CTCF: variants seen among roughly 807,000 people sequenced by gnomAD.
CTCF encodes CCCTC-binding factor.
CTCF carries 7 observed loss-of-function variants against 72.3 expected under a neutral mutation model. That is an observed-to-expected ratio of 0.10 (90% CI 0.06 to 0.18). The LOEUF is 0.18. Among genes scored for constraint, CTCF ranks in the 10% least tolerant of loss-of-function variants. CTCF has a pLI of 1.00. For synonymous variants in CTCF, 374 were observed against 315.8 expected (o/e 1.18, Z -1.95); for missense variants, 516 against 949.1 (o/e 0.54, Z 6.00).
At chr16:67,602,322 G>A (rs571575681) in intron 2 of CTCF, among the ~76,000 whole-genome samples, 51 of 152,272 alleles carry the variant, frequency 3.3e-4, no homozygotes, top group African/African-American at 9.6e-4. Context: ...TATTATTGAG[G>A]ATATTTAAAT....
intron 10 of CTCF, among the ~76,000 whole-genome samples, chr16:67,630,463 G>T (rs2052348428): frequency 6.6e-6 from 1 of 152,136 alleles, no homozygotes; most frequent in African/African-American, 2.4e-5. Context: ...GCTTAGAAGT[G>T]CCAAGCCTCG....
intron 2 of CTCF, among the ~76,000 whole-genome samples, chr16:67,589,343 C>T (rs2051708548): frequency 6.6e-6 from 1 of 152,088 alleles, no homozygotes; most frequent in African/African-American, 2.4e-5. Context: ...TTTGAGATGG[C>T]TTAATACAGT....
chr16:67,575,723 G>A (rs1244128764), intron 2 of CTCF, among the ~76,000 whole-genome samples: 3 of 151,840 alleles, frequency 2.0e-5, no homozygotes, highest in Non-Finnish European at 4.4e-5. Context: ...GATTACAAGC[G>A]TGAGCCACCG....
intron 2 of CTCF, among the ~76,000 whole-genome samples, chr16:67,605,065 C>T (rs971406190): frequency 2.1e-5 from 3 of 144,776 alleles, no homozygotes; most frequent in African/African-American, 8.0e-5. Context: ...CTTCGCCTTC[C>T]GGGTTCACGC....
At position 67,586,208 on chromosome 16, in the gene CTCF, C is replaced by T. The variant is rs145418440; in HGVS notation, c.-10+14944C>T. On this transcript the variant is annotated intron_variant, in intron 2 of 11. Coordinates refer to ENST00000264010, the MANE Select transcript of CTCF (RefSeq NM_006565.4). The stretch of plus-strand genomic sequence containing the variant: ...TTGAGGCCAGGAGTTTGAGAACAGC[C>T]TGGCCAACATAGAAAACCCCATTTC... Among the ~76,000 whole-genome samples the T allele has an allele frequency of 1.6e-4, 25 of 152,150 alleles. No individual in the cohort carries two copies. In the East Asian group the frequency reaches 4.1e-3, roughly 25 times the overall value.
chr16:67,603,466 GA>G (rs1451627279), intron 2 of CTCF, among the ~76,000 whole-genome samples: 1 of 151,558 alleles, frequency 6.6e-6, no homozygotes, highest in Non-Finnish European at 1.5e-5. Context: ...CCGGGAGGCG[GA>G]GCTTGCAGTG....
At chr16:67,579,309 A>G (rs1016901130) in intron 2 of CTCF, among the ~76,000 whole-genome samples, 2 of 152,126 alleles carry the variant, frequency 1.3e-5, no homozygotes, top group South Asian at 2.1e-4. Flanking sequence ...GTAGCTTACT[A>G]TACACGTTGT....
At chr16:67,633,828 AC>A (rs2052396666) in intron 10 of CTCF, among the ~76,000 whole-genome samples, 1 of 150,594 alleles carries the variant, frequency 6.6e-6, no homozygotes, top group Non-Finnish European at 1.5e-5. Flanking sequence ...TCACTCACTC[AC>A]TCTTACCCTT....
chr16:67,565,331 G>A (rs1047729976), intron 1 of CTCF, among the ~76,000 whole-genome samples: 4 of 151,684 alleles, frequency 2.6e-5, no homozygotes, highest in Non-Finnish European at 5.9e-5. Flanking sequence ...AGTGATAGGA[G>A]GATGATTAAA....
chr16:67,576,559 T>TG (rs2051500323), intron 2 of CTCF, among the ~76,000 whole-genome samples: 1 of 147,990 alleles, frequency 6.8e-6, no homozygotes, highest in African/African-American at 2.5e-5. Flanking sequence ...TGTTTTTTTT[T>TG]TTTTTTTTTT....
intron 9 of CTCF, among the ~76,000 whole-genome samples, chr16:67,629,024 C>A (rs1368724003): frequency 2.0e-5 from 3 of 151,908 alleles, no homozygotes; most frequent in African/African-American, 7.3e-5. Flanking sequence ...TGCACTCCAG[C>A]CTGGGCGAAA....
At position 67,613,692 on chromosome 16, in the gene CTCF, C is replaced by T. The variant is rs538394326; in HGVS notation, c.952+1571C>T. 5.3e-5 allele frequency among the ~76,000 whole-genome samples: 8 copies of T among 152,292 alleles called. No individual in the cohort carries two copies. The South Asian group carries it at 1.7e-3, about 32-fold the overall frequency. On this transcript the variant is annotated intron_variant, in intron 4 of 11. Transcript: ENST00000264010. Reference sequence around the variant, plus strand: ...TTGGGTGGCTGAGGCAGGAGAATCACTTGAATGCGGGAGACAGAGGTTGCA... The same window carrying T: ...TTGGGTGGCTGAGGCAGGAGAATCATTTGAATGCGGGAGACAGAGGTTGCA...
intron 2 of CTCF, among the ~76,000 whole-genome samples, chr16:67,572,293 C>G (rs781449194): frequency 2.6e-5 from 4 of 152,188 alleles, no homozygotes; most frequent in Admixed American, 6.6e-5. Context: ...AACTTACGCC[C>G]TGCAGGTTCT....
intron 2 of CTCF, among the ~76,000 whole-genome samples, chr16:67,604,752 GTT>G (rs1242814743): frequency 2.0e-5 from 2 of 98,924 alleles, no homozygotes; most frequent in African/African-American, 1.0e-4. Context: ...TTTGTTTTTT[GTT>G]TTTTTTTTTT....
At chr16:67,597,693 C>T (rs908747392) in intron 2 of CTCF, among the ~76,000 whole-genome samples, 4 of 152,166 alleles carry the variant, frequency 2.6e-5, no homozygotes. Context: ...TTAAAGATAA[C>T]TTCTGTTTTT....
At position 67,636,841 on chromosome 16, in the gene CTCF, A is replaced by G; in HGVS notation, c.1989A>G (p.Lys663=). Residue 663 remains lysine (K), a synonymous_variant, in exon 11 of 12, where the codon AAA becomes AAG. Transcript: ENST00000264010. ...GRPPGRTNQP[K]QNQPTAIIQV... The stretch of plus-strand genomic sequence containing the variant: ...CCCCTGGCAGAACCAACCAGCCCAA[A>G]CAGAACCAGCGTAAGTTGTTCATCT... 1 of 1,591,194 alleles carries G rather than the reference A, an allele frequency of 6.3e-7. No individual in the cohort carries two copies. The highest frequency in any genetic ancestry group is 8.6e-7 in the Non-Finnish European group (1 of 1,168,288).
At chr16:67,594,450 A>G (rs1020184442) in intron 2 of CTCF, among the ~76,000 whole-genome samples, 3 of 151,538 alleles carry the variant, frequency 2.0e-5, no homozygotes, top group African/African-American at 7.3e-5. Context: ...CTATATTCTC[A>G]GCATTTTGTG....
intron 2 of CTCF, among the ~76,000 whole-genome samples, chr16:67,601,048 G>A (rs2051879153): frequency 6.6e-6 from 1 of 152,154 alleles, no homozygotes; most frequent in African/African-American, 2.4e-5. Flanking sequence ...GAAAGGAGAT[G>A]GATTGGAGCT....
At chr16:67,612,904 C>T (rs1037559851) in intron 4 of CTCF, among the ~76,000 whole-genome samples, 2 of 152,232 alleles carry the variant, frequency 1.3e-5, no homozygotes, top group East Asian at 3.9e-4. Context: ...TGCTACTGCA[C>T]TCCAGCCTGG....
Sources: gnomAD v4.1 joint callset for allele counts (sites outside exome capture counted in the v4.1 genomes callset) on GRCh38, gnomAD v4.1.1 for gene constraint, MANE v1.5 for transcripts, NCBI Gene and HGNC (gene_info 2026-07-23, HGNC 2026-07-21) for gene names.